The following THBS4 variants were observed in gnomAD, a reference collection of about 807,000 sequenced individuals.
THBS4 encodes thrombospondin-4.
A neutral mutation model predicts 115.7 loss-of-function variants in THBS4; 90 were observed. The ratio of observed to expected loss-of-function variants is 0.78; its 90% CI spans 0.66 to 0.93. The LOEUF (loss-of-function observed/expected upper bound fraction) is 0.93. Among genes scored for constraint, THBS4 ranks in the 40% least tolerant of loss-of-function variants. THBS4 has a pLI of 0.00. For missense variants in THBS4, 1,087 were observed against 1,232.7 expected, an observed-to-expected ratio of 0.88 and a Z score of 1.77; for synonymous variants, 460 against 479.3, an observed-to-expected ratio of 0.96 and a Z score of 0.53.
At chr5:80,078,892 G>T in intron 17 of THBS4, 29 bp from the exon 18 acceptor site, 1 of 1,611,526 alleles carries the variant, frequency 6.2e-7, no homozygotes, top group Non-Finnish European at 8.5e-7. Flanking sequence ...CTTCAAGACT[G>T]TTCTGAACTC....
chr5:80,079,550 A>G (rs923546168), intron 19 of THBS4, among the ~76,000 whole-genome samples: 7 of 152,212 alleles, frequency 4.6e-5, no homozygotes, highest in Admixed American at 4.6e-4. Context: ...TTTCATCGAT[A>G]GGTCCAACTT....
At chr5:80,006,659 C>T (rs1382640315) in intron 2 of THBS4, among the ~76,000 whole-genome samples, 1 of 152,188 alleles carries the variant, frequency 6.6e-6, no homozygotes, top group African/African-American at 2.4e-5. Flanking sequence ...CATCACCCTG[C>T]TGGCAGTCCC....
At chr5:80,056,159 C>T (rs1183516426) in intron 3 of THBS4, 127 bp downstream of exon 3, 69 of 1,192,080 alleles carry the variant, frequency 5.8e-5, no homozygotes, top group Non-Finnish European at 7.8e-5. Flanking sequence ...ACATCAGAAT[C>T]ACCTGCGGAG....
Position 80,071,123 on chromosome 5 carries a change from A to G in THBS4, c.1663A>G (p.Lys555Glu). 1.2e-6 allele frequency: 2 copies of G among 1,609,168 alleles called. No homozygotes were observed. Among genetic ancestry groups the G allele is most frequent in the African/African-American group, 2.7e-5 (2 of 74,780 alleles). ...CCTGAGTGTCTTAAATAACGACCAG[A>G]AAGACACCGATGGGGATGGAAGAGG... is the stretch of plus-strand genomic sequence containing the variant. ...NCLSVLNNDQ[K>E]DTDGDGRGDA... The change falls in exon 13 of 22, where the codon AAA becomes GAA. Residue 555 changes from lysine (K) to glutamate (E), a missense_variant. By Grantham distance (56) the Lys-to-Glu change is moderately conservative. Transcript: ENST00000350881.
At chr5:80,072,080 A>C in intron 13 of THBS4, 198 bp from the exon 14 acceptor site, 1 of 599,732 alleles carries the variant, frequency 1.7e-6, no homozygotes, top group Non-Finnish European at 3.0e-6. Context: ...TTCAGTCGAT[A>C]AATACCTCTG....
chr5:80,061,761 G>T lies in THBS4; in HGVS notation c.1054G>T (p.Ala352Ser). 3.1e-6 allele frequency: 5 copies of T among 1,614,154 alleles called. No individual in the cohort carries two copies. The highest frequency in any genetic ancestry group is 4.2e-6 in the Non-Finnish European group (5 of 1,180,024). Residue 352 changes from alanine (A) to serine (S), a missense_variant, in exon 8 of 22, where the codon GCC becomes TCC. Transcript: ENST00000350881. Reference protein sequence around the residue: ...INLSPGFRCDACPVGFTGPMV... With the variant: ...INLSPGFRCDSCPVGFTGPMV... ...TTTGTCTCCTGGCTTCAGATGTGAC[G>T]CCTGCCCAGTGGGCTTCACAGGGCC... is the stretch of plus-strand genomic sequence containing the variant.
chr5:79,997,952 TACA>T (rs1327873746), intron 1 of THBS4, among the ~76,000 whole-genome samples: 1 of 152,040 alleles, frequency 6.6e-6, no homozygotes, highest in African/African-American at 2.4e-5. Context: ...ATAATAAAAA[TACA>T]ACATTTCCTA....
In THBS4 at chr5:80,044,260, G is replaced by T. The variant is rs905219228; in HGVS notation, c.292+3980G>T. ...TACAGCCCTTATCTTTGCATCTGCT[G>T]CAGCACCTAGCAAGGTGCCTTGTAC... is the stretch of plus-strand genomic sequence containing the variant. On this transcript the variant is annotated intron_variant, in intron 2 of 21. Coordinates refer to ENST00000350881, the MANE Select transcript of THBS4 (RefSeq NM_003248.6). Among the ~76,000 whole-genome samples, 4 of 152,148 alleles carry T rather than the reference G, an allele frequency of 2.6e-5. No individual in the cohort carries two copies. The East Asian group carries it at 7.7e-4, about 29-fold the overall frequency.
upstream of THBS4, among the ~76,000 whole-genome samples, chr5:80,032,186 A>C (rs2438604): frequency 0.25 from 37,907 of 152,150 alleles, 5,411 homozygotes; most frequent in African/African-American, 0.39. Flanking sequence ...TAGCTAATTA[A>C]ATTAATTTTA....
chr5:80,071,998 C>G, intron 13 of THBS4: 1 of 353,518 alleles, frequency 2.8e-6, no homozygotes, highest in South Asian at 3.5e-5. Flanking sequence ...TCTCCAGGGT[C>G]AGCCATACAG....
At chr5:80,043,614 G>A (rs185312987) in intron 2 of THBS4, among the ~76,000 whole-genome samples, 100 of 152,264 alleles carry the variant, frequency 6.6e-4, no homozygotes, top group East Asian at 1.2e-3. Flanking sequence ...ATGAAGGAGG[G>A]TGACTACACA....
chr5:80,000,219 C>T (rs1831869692), intron 2 of THBS4, among the ~76,000 whole-genome samples: 2 of 152,214 alleles, frequency 1.3e-5, no homozygotes, highest in Non-Finnish European at 1.5e-5. Context: ...CAGGAACTAA[C>T]TCTTATATCC....
At chr5:80,044,128 T>C (rs256447) in intron 2 of THBS4, among the ~76,000 whole-genome samples, 36,125 of 152,202 alleles carry the variant, frequency 0.24, 4,738 homozygotes, top group African/African-American at 0.35. Context: ...CTTTCTAATA[T>C]GACTTTGTAC....
chr5:80,026,483 TC>T (rs2151160524), intron 2 of THBS4, among the ~76,000 whole-genome samples: 1 of 152,178 alleles, frequency 6.6e-6, no homozygotes, highest in East Asian at 1.9e-4. Context: ...AGAACAGGGG[TC>T]AGTAACCTTT....
intron 2 of THBS4, among the ~76,000 whole-genome samples, chr5:80,041,791 A>G (rs958133490): frequency 6.6e-6 from 1 of 152,198 alleles, no homozygotes; most frequent in Non-Finnish European, 1.5e-5. Context: ...TGCTTCATGC[A>G]TTTAATAAAA....
chr5:80,051,697 C>T (rs1833263081), intron 2 of THBS4, among the ~76,000 whole-genome samples: 2 of 152,214 alleles, frequency 1.3e-5, no homozygotes, highest in South Asian at 2.1e-4. Flanking sequence ...ACTTTATTTT[C>T]TATATAAAAA....
chr5:80,066,824 G>A (rs1262241141), intron 9 of THBS4: 1 of 152,126 alleles, frequency 6.6e-6, no homozygotes, highest in East Asian at 1.9e-4. Context: ...AAGGAAAGTA[G>A]ACAGTAAATA....
chr5:80,064,118 C>A (rs955721916), intron 8 of THBS4, among the ~76,000 whole-genome samples: 1 of 152,182 alleles, frequency 6.6e-6, no homozygotes, highest in Non-Finnish European at 1.5e-5. Flanking sequence ...CCTTTAGTAG[C>A]CCTAAGAAAC....
intron 2 of THBS4, among the ~76,000 whole-genome samples, chr5:80,001,922 C>T (rs763304662): frequency 1.3e-5 from 2 of 152,142 alleles, no homozygotes; most frequent in Non-Finnish European, 2.9e-5. Flanking sequence ...ACCATATTTA[C>T]TTCATAGACA....
Sources: gnomAD v4.1 joint callset for allele counts (sites outside exome capture counted in the v4.1 genomes callset) on GRCh38, gnomAD v4.1.1 for gene constraint, MANE v1.5 for transcripts, NCBI Gene and HGNC (gene_info 2026-07-23, HGNC 2026-07-21) for gene names.